Variants in NEMP2 observed in about 807,000 individuals in gnomAD.
The protein encoded by NEMP2 is nuclear envelope integral membrane protein 2.
In NEMP2, 53 loss-of-function variants were observed where a neutral mutation model predicts 54.2. The observed-to-expected ratio is 0.98, with a 90% CI of 0.78 to 1.23. The LOEUF (loss-of-function observed/expected upper bound fraction) is 1.23, where lower values mean the gene tolerates loss of function less well. Among genes scored for constraint, NEMP2 ranks in the 50% most tolerant of loss-of-function variants. The pLI, the probability that NEMP2 is intolerant of heterozygous loss-of-function variation, is 0.00. For missense variants in NEMP2, 455 were observed against 511.3 expected (o/e 0.89, Z 1.06); for synonymous variants, 197 against 190.3 (o/e 1.04, Z -0.29).
chr2:190,516,553 C>T lies in NEMP2; in HGVS notation c.613-169G>A, dbSNP rs35551433. Among the ~76,000 whole-genome samples the T allele has an allele frequency of 7.2e-3, 1,092 of 152,242 alleles. 10 individuals carry two copies. The highest frequency in any genetic ancestry group is 0.011 in the Non-Finnish European group (765 of 68,004). Reference sequence around the variant, plus strand: ...GGTGTGGTCCACAAATCAGCAACACCGACATCACATGGAGCTTGCTGGGAT... The same window carrying T: ...GGTGTGGTCCACAAATCAGCAACACTGACATCACATGGAGCTTGCTGGGAT... On this transcript the variant is annotated intron_variant, in intron 5 of 8. Coordinates refer to ENST00000409150, the MANE Select transcript of NEMP2 (RefSeq NM_001142645.2).
the NEMP2 span, among the ~76,000 whole-genome samples, chr2:190,580,281 A>G: frequency 6.6e-6 from 1 of 152,322 alleles, no homozygotes; most frequent in South Asian, 2.1e-4. The surrounding 1 kb of genome is among the most constrained non-coding windows in gnomAD (Gnocchi z 5.3). Flanking sequence ...AATTAAGAGT[A>G]TAAAAGGAGA....
upstream of NEMP2, among the ~76,000 whole-genome samples, chr2:190,536,240 C>T (rs1046330540): frequency 2.4e-4 from 36 of 152,158 alleles, no homozygotes; most frequent in Admixed American, 8.5e-4. Context: ...TTAACCTCTC[C>T]AAACTTTTCT....
rs1056325271 is a variant in NEMP2, at chr2:190,519,498, G to A, written c.214-315C>T. Reference sequence around the variant, plus strand: ...AGCCTCCCAAAGTGCTGGGATTACCGGCATGAGCCACTGCATCCAGCCAAA... The same window carrying A: ...AGCCTCCCAAAGTGCTGGGATTACCAGCATGAGCCACTGCATCCAGCCAAA... On this transcript the variant is annotated intron_variant, in intron 2 of 8. Coordinates refer to ENST00000409150, the MANE Select transcript of NEMP2 (RefSeq NM_001142645.2). The surrounding 1 kb of genome is among the most constrained non-coding windows in gnomAD (Gnocchi z 5.4). Among the ~76,000 whole-genome samples the A allele has an allele frequency of 4.6e-5, 7 of 152,184 alleles. No individual in the cohort carries two copies. Among genetic ancestry groups the A allele is most frequent in the Non-Finnish European group, 8.8e-5 (6 of 68,042 alleles).
chr2:190,591,864 T>C, the NEMP2 span, among the ~76,000 whole-genome samples: 1 of 152,198 alleles, frequency 6.6e-6, no homozygotes, highest in Non-Finnish European at 1.5e-5. This position sits in a 1 kb window ranked among gnomAD's most constrained non-coding sequence, Gnocchi z 5.4. Context: ...GGTATTTTAC[T>C]GGACACTAAG....
downstream of NEMP2, chr2:190,501,251 G>C (rs540810488): frequency 1.2e-4 from 18 of 152,256 alleles, no homozygotes; most frequent in African/African-American, 4.3e-4. Flanking sequence ...GTGAGGAAAA[G>C]GTGGTAAATA....
At chr2:190,463,553 C>A in the NEMP2 span, among the ~76,000 whole-genome samples, 3 of 152,140 alleles carry the variant, frequency 2.0e-5, no homozygotes, top group African/African-American at 7.2e-5. This position sits in a 1 kb window ranked among gnomAD's most constrained non-coding sequence, Gnocchi z 4.4. Context: ...AGGTGGATGG[C>A]TCATGCCTAT....
chr2:190,497,518 G>C, the NEMP2 span: 1 of 1,614,080 alleles, frequency 6.2e-7, no homozygotes, highest in Non-Finnish European at 8.5e-7. This position sits in a 1 kb window ranked among gnomAD's most constrained non-coding sequence, Gnocchi z 5.2. Context: ...TACAGCAACA[G>C]ACAGAAGATG....
the NEMP2 span, among the ~76,000 whole-genome samples, chr2:190,542,132 T>C: frequency 1.3e-5 from 2 of 152,194 alleles, no homozygotes; most frequent in African/African-American, 4.8e-5. The surrounding 1 kb of genome is among the most constrained non-coding windows in gnomAD (Gnocchi z 4.6). Context: ...GTTTTGGAAA[T>C]TTTTCTGTTA....
chr2:190,543,292 C>CAA, the NEMP2 span, among the ~76,000 whole-genome samples: 5 of 152,214 alleles, frequency 3.3e-5, no homozygotes, highest in African/African-American at 1.2e-4. This position sits in a 1 kb window ranked among gnomAD's most constrained non-coding sequence, Gnocchi z 4.7. Context: ...CAGTCACTCT[C>CAA]ATTTGATATC....
the NEMP2 span, among the ~76,000 whole-genome samples, chr2:190,446,616 G>A: frequency 2.5e-4 from 38 of 152,246 alleles, 1 homozygote; most frequent in South Asian, 7.5e-3. Context: ...AACTAGGAAG[G>A]CACATTCATT....
the NEMP2 span, chr2:190,625,243 C>A: frequency 6.6e-6 from 1 of 152,006 alleles, no homozygotes; most frequent in Non-Finnish European, 1.5e-5. Context: ...TATAGCCATA[C>A]GATGGAATAT....
rs1691305160 is a variant in NEMP2, at chr2:190,534,684, G to A, written c.-29C>T. On this transcript the variant is annotated 5_prime_UTR_variant, in exon 1 of 9. Transcript: ENST00000409150. ...GTTAGGGGTCAGCTCCGTGCGACCC[G>A]AGCCCTAGGGGACCGGCTCCGCTGC... 6 of 1,248,450 alleles carry A rather than the reference G, an allele frequency of 4.8e-6. No homozygotes were observed. The highest frequency in any genetic ancestry group is 2.5e-4 in the Middle Eastern group (1 of 4,004). The allele number at this position is 1,248,450 out of a possible 1,614,324, so 77.3% of individuals were successfully genotyped here. A position where few individuals can be genotyped will look rare whatever the true frequency, so the allele number is the denominator to read the frequency against.
chr2:190,601,881 T>C, the NEMP2 span, among the ~76,000 whole-genome samples: 10 of 152,320 alleles, frequency 6.6e-5, no homozygotes, highest in African/African-American at 2.4e-4. The surrounding 1 kb of genome is among the most constrained non-coding windows in gnomAD (Gnocchi z 5.8). Flanking sequence ...GCTTGCTGCA[T>C]AGTAAATAAT....
At position 190,530,341 on chromosome 2, in the gene NEMP2, T is replaced by C. The variant is rs1039845173; in HGVS notation, c.97+4218A>G. Among the ~76,000 whole-genome samples, 2 of 152,222 alleles carry C rather than the reference T, an allele frequency of 1.3e-5. No individual in the cohort carries two copies. The highest frequency in any genetic ancestry group is 2.9e-5 in the Non-Finnish European group (2 of 68,038). ...CACAAAGTGTCAGTGCTTCATGGTG[T>C]CCTCTGGCTGCCCTTTTTTCTTATC... On this transcript the variant is annotated intron_variant, in intron 1 of 8. Transcript: ENST00000409150. This position sits in a 1 kb window ranked among gnomAD's most constrained non-coding sequence, Gnocchi z 4.6.
At chr2:190,431,461 T>G in the NEMP2 span, among the ~76,000 whole-genome samples, 7 of 152,224 alleles carry the variant, frequency 4.6e-5, no homozygotes, top group Non-Finnish European at 8.8e-5. The surrounding 1 kb of genome is among the most constrained non-coding windows in gnomAD (Gnocchi z 4.4). Flanking sequence ...CCGGCACCTC[T>G]GGAGGCCGAG....
the NEMP2 span, chr2:190,609,433 C>T: frequency 2.6e-5 from 4 of 151,914 alleles, no homozygotes; most frequent in African/African-American, 2.4e-5. This position sits in a 1 kb window ranked among gnomAD's most constrained non-coding sequence, Gnocchi z 4.7. Context: ...TGTGGAGGCC[C>T]GAGGAGTTTC....
At chr2:190,602,217 T>G in the NEMP2 span, among the ~76,000 whole-genome samples, 22 of 152,324 alleles carry the variant, frequency 1.4e-4, no homozygotes, top group East Asian at 3.3e-3. Context: ...AATTTGCTCA[T>G]ATGATCGTGG....
rs1209260990 is a variant in NEMP2 at position 190,509,139 on chromosome 2, C to A, written c.*50G>T. 3 of 1,545,940 alleles carry A rather than the reference C, an allele frequency of 1.9e-6. No individual in the cohort carries two copies. Among genetic ancestry groups the A allele is most frequent in the African/African-American group, 1.4e-5 (1 of 72,802 alleles). On this transcript the variant is annotated 3_prime_UTR_variant, in exon 9 of 9. Coordinates refer to ENST00000409150, the MANE Select transcript of NEMP2 (RefSeq NM_001142645.2). This position sits in a 1 kb window ranked among gnomAD's most constrained non-coding sequence, Gnocchi z 6.1. ...CTGCCTAACTTTAATAGAATCCCTG[C>A]CCTTTGCCCACTTCCTTGTCCAGAA...
chr2:190,473,975 T>C, the NEMP2 span, among the ~76,000 whole-genome samples: 1 of 151,902 alleles, frequency 6.6e-6, no homozygotes, highest in African/African-American at 2.4e-5. Context: ...ACTGGGTACA[T>C]AAGGAAATGA....
Sources: allele counts gnomAD v4.1 joint callset (sites outside exome capture counted in the v4.1 genomes callset), GRCh38; gene constraint gnomAD v4.1.1; non-coding constraint Gnocchi (gnomAD v3.1); transcripts MANE v1.5; gene names NCBI Gene and HGNC (gene_info 2026-07-23, HGNC 2026-07-21).